SHROOM3: variants seen among roughly 807,000 people sequenced by gnomAD.
SHROOM3 encodes shroom family member 3.
A neutral mutation model predicts 138.6 loss-of-function variants in SHROOM3; 47 were observed. The ratio of observed to expected loss-of-function variants is 0.34; its 90% CI spans 0.27 to 0.43. The LOEUF is 0.43. SHROOM3 is among the 20% of genes least tolerant of loss of function. The pLI is 1.00. For synonymous variants in SHROOM3, 1,062 were observed against 1,063.3 expected (o/e 1.00, Z 0.02); for missense variants, 2,491 against 2,596.5 (o/e 0.96, Z 0.88).
rs529452329 is a variant in SHROOM3 at position 76,480,862 on chromosome 4, A to G, written c.168+44642A>G. Among the ~76,000 whole-genome samples, 36 of 152,358 alleles carry G rather than the reference A, an allele frequency of 2.4e-4. No homozygotes were observed. The South Asian group carries it at 7.5e-3, about 32-fold the overall frequency. On this transcript the variant is annotated intron_variant, in intron 1 of 10. Coordinates refer to ENST00000296043, the MANE Select transcript of SHROOM3 (RefSeq NM_020859.4). ...AACCGAACAGCTACATGGAAACTGA[A>G]CAACCTGCTCCTGAATGACTACTGG...
chr4:76,675,398 A>G (rs1719002347), intron 2 of SHROOM3, among the ~76,000 whole-genome samples: 1 of 152,184 alleles, frequency 6.6e-6, no homozygotes, highest in African/African-American at 2.4e-5. Context: ...TCAAAGCATT[A>G]TTTGTTTTGT....
chr4:76,606,385 G>T (rs1255413622), intron 2 of SHROOM3, among the ~76,000 whole-genome samples: 1 of 151,662 alleles, frequency 6.6e-6, no homozygotes, highest in Non-Finnish European at 1.5e-5. Context: ...GTGCATGTTA[G>T]CTACTCTGAA....
intron 3 of SHROOM3, among the ~76,000 whole-genome samples, chr4:76,729,023 A>G (rs1720793316): frequency 6.6e-6 from 1 of 152,294 alleles, no homozygotes; most frequent in South Asian, 2.1e-4. Context: ...CCTGTCTACT[A>G]TTCATCAACT....
Position 76,739,360 on chromosome 4 carries a change from G to A in SHROOM3, c.1187G>A (p.Arg396Gln), listed in dbSNP as rs201725731. 87 of 1,613,952 alleles carry A rather than the reference G, an allele frequency of 5.4e-5. No individual in the cohort carries two copies. Among genetic ancestry groups the A allele is most frequent in the Non-Finnish European group, 6.9e-5 (82 of 1,180,036 alleles). ...PARSDSYAAFRHRERPSSWSS... is the reference protein window; with the variant it reads ...PARSDSYAAFQHRERPSSWSS... ...CGGAGTGACAGTTACGCAGCATTTC[G>A]GCACCGTGAGCGGCCCAGCTCCTGG... Residue 396 changes from arginine to glutamine, a missense_variant, in exon 5 of 11, where the codon CGG becomes CAG. Coordinates refer to ENST00000296043, the MANE Select transcript of SHROOM3 (RefSeq NM_020859.4).
intron 1 of SHROOM3, among the ~76,000 whole-genome samples, chr4:76,517,138 GTCT>G (rs1732459648): frequency 6.6e-6 from 1 of 152,140 alleles, no homozygotes; most frequent in Non-Finnish European, 1.5e-5. Context: ...CAACTGCTTG[GTCT>G]TCTTTGCTGT....
chr4:76,557,743 A>G (rs1266887729), intron 2 of SHROOM3, among the ~76,000 whole-genome samples: 2 of 152,316 alleles, frequency 1.3e-5, no homozygotes, highest in Middle Eastern at 3.4e-3. Context: ...ATTTTTGGCA[A>G]TTATACTTGG....
chr4:76,749,636 G>A (rs906800198), intron 6 of SHROOM3, among the ~76,000 whole-genome samples: 3 of 152,180 alleles, frequency 2.0e-5, no homozygotes, highest in African/African-American at 7.2e-5. Flanking sequence ...ACAGAGGAAG[G>A]CAAACTGTAA....
intron 1 of SHROOM3, among the ~76,000 whole-genome samples, chr4:76,444,751 C>T (rs1730771355): frequency 6.6e-6 from 1 of 151,928 alleles, no homozygotes; most frequent in Non-Finnish European, 1.5e-5. Context: ...GCTTCGGCCT[C>T]CCAAAGTACT....
intron 2 of SHROOM3, among the ~76,000 whole-genome samples, chr4:76,695,511 G>A (rs1247126226): frequency 4.6e-5 from 7 of 152,094 alleles, no homozygotes; most frequent in Admixed American, 2.6e-4. Flanking sequence ...ATTTCCATTG[G>A]CATTTTCTCA....
Position 76,555,750 on chromosome 4 carries a change from C to CT in SHROOM3, c.311dup (p.Val105GlyfsTer19). The CT allele has an allele frequency of 6.2e-7, 1 of 1,613,258 alleles. No homozygotes were observed. Among genetic ancestry groups the CT allele is most frequent in the African/African-American group, 1.3e-5 (1 of 75,040 alleles). The stretch of plus-strand genomic sequence containing the variant: ...GAAAGGATCCTACAAGACCCTCAGG[C>CT]TGGTAGTGCGCAGGTAGGTGGCAGA... On this transcript the variant is annotated frameshift_variant, in exon 2 of 11. Coordinates refer to ENST00000296043, the MANE Select transcript of SHROOM3 (RefSeq NM_020859.4). LOFTEE classifies it high-confidence loss of function.
intron 4 of SHROOM3, among the ~76,000 whole-genome samples, chr4:76,734,786 ATAT>A (rs1720985495): frequency 6.6e-6 from 1 of 152,232 alleles, no homozygotes; most frequent in Admixed American, 6.5e-5. Context: ...AGTTCTTTAA[ATAT>A]TATAGATACA....
intron 5 of SHROOM3, chr4:76,742,132 C>T: frequency 4.3e-6 from 3 of 695,512 alleles, no homozygotes; most frequent in South Asian, 1.6e-5. Context: ...ATCTAGATTA[C>T]GTATGTTGTT....
At chr4:76,708,508 A>T (rs1720131551) in intron 2 of SHROOM3, among the ~76,000 whole-genome samples, 1 of 152,212 alleles carries the variant, frequency 6.6e-6, no homozygotes, top group African/African-American at 2.4e-5. Context: ...CAACAAACAA[A>T]GTTAGGGTCT....
intron 2 of SHROOM3, among the ~76,000 whole-genome samples, chr4:76,598,089 G>A (rs1256026896): frequency 6.7e-6 from 1 of 149,600 alleles, no homozygotes; most frequent in Non-Finnish European, 1.5e-5. Flanking sequence ...GCAGTGGCAC[G>A]ATCTCTGCTC....
At chr4:76,732,171 T>C (rs1262068069) in intron 4 of SHROOM3, among the ~76,000 whole-genome samples, 2 of 152,206 alleles carry the variant, frequency 1.3e-5, no homozygotes, top group African/African-American at 4.8e-5. Flanking sequence ...TGGGAAATGC[T>C]TAGATAGCGC....
chr4:76,478,533 G>C (rs1321228296), intron 1 of SHROOM3, among the ~76,000 whole-genome samples: 1 of 152,232 alleles, frequency 6.6e-6, no homozygotes, highest in Non-Finnish European at 1.5e-5. Flanking sequence ...CTGGGGGAAG[G>C]GGCAGCTATG....
At chr4:76,521,314 G>A (rs768689982) in intron 1 of SHROOM3, among the ~76,000 whole-genome samples, 19 of 152,072 alleles carry the variant, frequency 1.2e-4, no homozygotes, top group Non-Finnish European at 2.2e-4. Context: ...GTGTGTGTGT[G>A]CACACATGTG....
At chr4:76,619,351 G>A (rs1577923303) in intron 2 of SHROOM3, among the ~76,000 whole-genome samples, 1 of 152,132 alleles carries the variant, frequency 6.6e-6, no homozygotes, top group Non-Finnish European at 1.5e-5. Context: ...CTGAGTCCCT[G>A]TGTCATGGTA....
At position 76,710,233 on chromosome 4, in the gene SHROOM3, C is replaced by A. The variant is rs753102566; in HGVS notation, c.401C>A (p.Pro134His). 7.4e-6 allele frequency: 12 copies of A among 1,613,964 alleles called. No individual in the cohort carries two copies. The Admixed American group carries it at 2.0e-4, about 27-fold the overall frequency. The change falls in exon 3 of 11, where the codon CCC becomes CAC. Residue 134 changes from proline (P) to histidine (H), a missense_variant. By Grantham distance (77) the Pro-to-His change is moderately conservative. Coordinates refer to ENST00000296043, the MANE Select transcript of SHROOM3 (RefSeq NM_020859.4). ...FVSPEHLTSG[P>H]QHRKAAWSGG... ...AGCCCAGAACACCTCACCTCTGGCC[C>A]CCAGCACAGGAAAGCAGCGTGGTCA...
Sources: allele counts gnomAD v4.1 joint callset (sites outside exome capture counted in the v4.1 genomes callset), GRCh38; gene constraint gnomAD v4.1.1; transcripts MANE v1.5; gene names NCBI Gene and HGNC (gene_info 2026-07-23, HGNC 2026-07-21).